CPE: variants seen among roughly 807,000 people sequenced by gnomAD.
CPE encodes carbocypeptidase E.
CPE carries 17 observed loss-of-function variants against 53.5 expected under a neutral mutation model. The observed-to-expected ratio is 0.32, with a 90% CI of 0.22 to 0.48. The LOEUF (loss-of-function observed/expected upper bound fraction) is 0.48, where lower values mean the gene tolerates loss of function less well. Among genes scored for constraint, CPE ranks in the 20% least tolerant of loss-of-function variants. The probability of loss-of-function intolerance (pLI) is 0.99; values close to 1 mark genes in which losing one functional copy is unlikely to be tolerated. For missense variants in CPE, 524 were observed against 614.7 expected, an observed-to-expected ratio of 0.85 and a Z score of 1.56; for synonymous variants, 226 against 228.8, an observed-to-expected ratio of 0.99 and a Z score of 0.11.
chr4:165,441,801 A>G (rs982517874), intron 1 of CPE, among the ~76,000 whole-genome samples: 4 of 152,174 alleles, frequency 2.6e-5, no homozygotes, highest in African/African-American at 4.8e-5. Flanking sequence ...CTGCTACTCT[A>G]GATTGTGAAT....
rs1579287611 is a variant in CPE at position 165,497,893 on chromosome 4, C to T, written c.*283C>T. On this transcript the variant is annotated 3_prime_UTR_variant, in exon 9 of 9. Coordinates refer to ENST00000402744, the MANE Select transcript of CPE (RefSeq NM_001873.4). ...CCATCCTAGGCTTAAATGCAATATTCCTGGTATTATTTACAATGCAGAATT... is the reference window on the plus strand; with the variant it reads ...CCATCCTAGGCTTAAATGCAATATTTCTGGTATTATTTACAATGCAGAATT... The T allele has an allele frequency of 5.5e-6, 1 of 181,092 alleles. No homozygotes were observed. Among genetic ancestry groups the T allele is most frequent in the Non-Finnish European group, 1.1e-5 (1 of 87,748 alleles). The allele number at this position is 181,092 out of a possible 1,614,324, so 11.2% of individuals were successfully genotyped here.
intron 7 of CPE, among the ~76,000 whole-genome samples, chr4:165,494,167 G>C (rs1732660634): frequency 6.6e-6 from 1 of 152,188 alleles, no homozygotes; most frequent in African/African-American, 2.4e-5. Flanking sequence ...CAGTATGCCA[G>C]AATCTGTGCC....
At chr4:165,394,138 G>T (rs1730728444) in intron 1 of CPE, among the ~76,000 whole-genome samples, 1 of 152,094 alleles carries the variant, frequency 6.6e-6, no homozygotes, top group African/African-American at 2.4e-5. Flanking sequence ...AGAAATAATG[G>T]ATGGGGACAT....
intron 1 of CPE, among the ~76,000 whole-genome samples, chr4:165,428,912 T>C (rs1317372344): frequency 3.3e-5 from 5 of 152,216 alleles, no homozygotes; most frequent in Non-Finnish European, 7.3e-5. Flanking sequence ...AAGATTCTAT[T>C]GTTTCTGCCA....
In CPE at chr4:165,414,698, C is replaced by T. The variant is rs200424226; in HGVS notation, c.307+35170C>T. The stretch of plus-strand genomic sequence containing the variant: ...AGAGATAAAGTAATATATATATATA[C>T]ACACACACACACATACACACACACA... On this transcript the variant is annotated intron_variant, in intron 1 of 8. Transcript: ENST00000402744. 3.4e-4 allele frequency among the ~76,000 whole-genome samples: 25 copies of T among 74,402 alleles called. 1 individual carries two copies. The highest frequency in any genetic ancestry group is 2.2e-3 in the South Asian group (5 of 2,236). 48.8% of individuals were successfully genotyped at this position (74,402 alleles called of 152,430 possible).
At chr4:165,495,779 A>G (rs774951549) in intron 8 of CPE, 102 bp downstream of exon 8, 53 of 722,438 alleles carry the variant, frequency 7.3e-5, no homozygotes, top group Non-Finnish European at 1.1e-4. Context: ...TACTAGCCCT[A>G]TGAGGTAGGC....
At chr4:165,420,562 T>C (rs1238373544) in intron 1 of CPE, among the ~76,000 whole-genome samples, 1 of 136,708 alleles carries the variant, frequency 7.3e-6, no homozygotes, top group Non-Finnish European at 1.6e-5. Context: ...TCTAGTTTAT[T>C]TTTTCTGTTT....
chr4:165,484,520 C>T lies in CPE; in HGVS notation c.889C>T (p.Arg297Trp), dbSNP rs202048102. The change falls in exon 5 of 9, where the codon CGG (arginine) becomes TGG (tryptophan). Residue 297 changes from arginine to tryptophan, a missense_variant. Transcript: ENST00000402744. ...CAACCCGGCCATGTCTGACCCCAAT[C>T]GGCCACCATGTCGCAAGAATGATGA... ...SFNPAMSDPN[R>W]PPCRKNDDDS... 9.7e-5 allele frequency: 157 copies of T among 1,614,116 alleles called. No individual in the cohort carries two copies. Among genetic ancestry groups the T allele is most frequent in the African/African-American group, 4.9e-4 (37 of 75,040 alleles).
Position 165,379,896 on chromosome 4 carries a change from C to T in CPE, c.307+368C>T, listed in dbSNP as rs1730476058. Among the ~76,000 whole-genome samples, 1 of 152,188 alleles carries T rather than the reference C, an allele frequency of 6.6e-6. No homozygotes were observed. The highest frequency in any genetic ancestry group is 2.4e-5 in the African/African-American group (1 of 41,450). ...AACCCCAGCGGTCGCTCTCACTTTG[C>T]TGTGTGAAAAACCCAAAGGAATGAT... On this transcript the variant is annotated intron_variant, in intron 1 of 8. Coordinates refer to ENST00000402744, the MANE Select transcript of CPE (RefSeq NM_001873.4). This position sits in a 1 kb window ranked among gnomAD's most constrained non-coding sequence, Gnocchi z 6.0.
At position 165,404,644 on chromosome 4, in the gene CPE, C is replaced by T. The variant is rs1213462090; in HGVS notation, c.307+25116C>T. On this transcript the variant is annotated intron_variant, in intron 1 of 8. Transcript: ENST00000402744. ...GGCCAAGGCTTGTGGTCAGGGAATC[C>T]AGCTTCTTTGGGTCAACTCCTTCCT... 3 of 1,126,838 alleles carry T rather than the reference C, an allele frequency of 2.7e-6. No individual in the cohort carries two copies. The African/African-American group carries it at 4.5e-5, about 17-fold the overall frequency. The allele number at this position is 1,126,838 out of a possible 1,614,324, so 69.8% of individuals were successfully genotyped here.
Position 165,379,019 on chromosome 4 carries a change from C to A in CPE, c.-203C>A. 2.6e-6 allele frequency: 1 copy of A among 381,320 alleles called. No individual in the cohort carries two copies. The allele number at this position is 381,320 out of a possible 1,614,324, so 23.6% of individuals were successfully genotyped here. Reference sequence around the variant, plus strand: ...TGGGCTCCGCGGCCAGTAGTGCAGCCCGTGGAGCCGCGGCTTTGCCCGTCT... The same window carrying A: ...TGGGCTCCGCGGCCAGTAGTGCAGCACGTGGAGCCGCGGCTTTGCCCGTCT... On this transcript the variant is annotated 5_prime_UTR_variant, in exon 1 of 9. Transcript: ENST00000402744. The surrounding 1 kb of genome is among the most constrained non-coding windows in gnomAD (Gnocchi z 6.0).
chr4:165,418,822 C>T (rs764480799), intron 1 of CPE, among the ~76,000 whole-genome samples: 13 of 151,810 alleles, frequency 8.6e-5, no homozygotes, highest in Non-Finnish European at 1.8e-4. Context: ...TGACAAATCA[C>T]AATGCTAACT....
chr4:165,467,561 T>C, intron 2 of CPE, 127 bp from the exon 3 acceptor site: 2 of 855,602 alleles, frequency 2.3e-6, no homozygotes, highest in Non-Finnish European at 3.5e-6. Context: ...AATGCTGACA[T>C]GGGAGGGCAT....
intron 1 of CPE, among the ~76,000 whole-genome samples, chr4:165,389,572 G>T (rs1232539154): frequency 1.3e-5 from 2 of 152,180 alleles, no homozygotes; most frequent in Non-Finnish European, 2.9e-5. Context: ...ATGGCTTCAA[G>T]TATTGGTTGT....
chr4:165,486,939 C>T (rs1482534800), intron 5 of CPE, among the ~76,000 whole-genome samples: 1 of 152,168 alleles, frequency 6.6e-6, no homozygotes. Context: ...CTTGTCTCAT[C>T]ATTTTCCTTG....
chr4:165,437,064 A>G (rs1731515564), intron 1 of CPE, among the ~76,000 whole-genome samples: 1 of 152,214 alleles, frequency 6.6e-6, no homozygotes, highest in Non-Finnish European at 1.5e-5. Flanking sequence ...GGAACTAGTC[A>G]TGAGGACTGC....
chr4:165,452,560 T>A (rs964970813), intron 1 of CPE, among the ~76,000 whole-genome samples: 40 of 152,354 alleles, frequency 2.6e-4, no homozygotes, highest in African/African-American at 9.1e-4. Flanking sequence ...GTAAAATCTT[T>A]GTACATTTTT....
chr4:165,391,144 G>A (rs1263111484), intron 1 of CPE, among the ~76,000 whole-genome samples: 1 of 152,110 alleles, frequency 6.6e-6, no homozygotes, highest in Non-Finnish European at 1.5e-5. Flanking sequence ...TTTTAAAACT[G>A]TTATTCTTGT....
chr4:165,431,937 A>C (rs1731415729), intron 1 of CPE, among the ~76,000 whole-genome samples: 1 of 152,134 alleles, frequency 6.6e-6, no homozygotes, highest in African/African-American at 2.4e-5. Context: ...TGAGTGTAGT[A>C]GATGGGAAAA....
Sources: allele counts gnomAD v4.1 joint callset (sites outside exome capture counted in the v4.1 genomes callset), GRCh38; gene constraint gnomAD v4.1.1; non-coding constraint Gnocchi (gnomAD v3.1); transcripts MANE v1.5; gene names NCBI Gene and HGNC (gene_info 2026-07-23, HGNC 2026-07-21).